Variants in CNOT2 observed in about 807,000 individuals in gnomAD.
CNOT2 encodes the protein CC chemokine receptor 4-negative regulator of transcription 2.
Under a neutral mutation model 72.1 loss-of-function variants are expected in CNOT2, and 7 were observed. That is an observed-to-expected ratio of 0.10 (90% confidence interval 0.06 to 0.18). The LOEUF (loss-of-function observed/expected upper bound fraction) is 0.18, where lower values mean the gene tolerates loss of function less well. Ranked by LOEUF, CNOT2 falls within the 10% of genes least tolerant of loss-of-function variation. The probability of loss-of-function intolerance (pLI) is 1.00; values close to 1 mark genes in which losing one functional copy is unlikely to be tolerated. For synonymous variants in CNOT2, 196 were observed against 225.6 expected (o/e 0.87, Z 1.17); for missense variants, 345 against 660.3 (o/e 0.52, Z 5.23).
chr12:70,334,548 AC>A (rs1880400461), intron 7 of CNOT2: 1 of 152,090 alleles, frequency 6.6e-6, no homozygotes, highest in African/African-American at 2.4e-5. Context: ...AAATGGTAAA[AC>A]AAAAATTAAA....
chr12:70,286,866 AT>A (rs1206527549), intron 2 of CNOT2, among the ~76,000 whole-genome samples: 2 of 151,804 alleles, frequency 1.3e-5, no homozygotes, highest in South Asian at 2.1e-4. Flanking sequence ...AAAGTTTTAT[AT>A]TTTTTTCATA....
intron 2 of CNOT2, chr12:70,307,588 CT>C (rs1330807469): frequency 2.6e-5 from 4 of 152,148 alleles, no homozygotes; most frequent in Admixed American, 2.6e-4. Flanking sequence ...ACCAAATTAA[CT>C]TTTTAACATA....
At chr12:70,257,195 TAGTG>T (rs1293534718) in intron 1 of CNOT2, among the ~76,000 whole-genome samples, 1 of 152,132 alleles carries the variant, frequency 6.6e-6, no homozygotes, top group Non-Finnish European at 1.5e-5. Flanking sequence ...GCTGTGTCCT[TAGTG>T]AGATTACTTT....
chr12:70,266,671 G>T (rs1959060720), intron 1 of CNOT2, among the ~76,000 whole-genome samples: 1 of 152,116 alleles, frequency 6.6e-6, no homozygotes, highest in East Asian at 1.9e-4. Context: ...TGGTAAGTTG[G>T]CCTTTTTATC....
intron 3 of CNOT2, among the ~76,000 whole-genome samples, chr12:70,311,962 A>G (rs2135959490): frequency 6.6e-6 from 1 of 152,076 alleles, no homozygotes; most frequent in Non-Finnish European, 1.5e-5. Context: ...AATTTTGCAA[A>G]TCAGCTTAAC....
chr12:70,349,196 A>ATTCTTTAAATATTCTTTAAATATTC (rs1882570560), intron 15 of CNOT2, among the ~76,000 whole-genome samples: 1 of 152,154 alleles, frequency 6.6e-6, no homozygotes, highest in Non-Finnish European at 1.5e-5. Context: ...TCTTTAAAGG[A>ATTCTTTAAATATTCTTTAAATATTC]TGTGTTCAGT....
intron 9 of CNOT2, chr12:70,337,845 A>G (rs1310374696): frequency 1.3e-5 from 6 of 446,356 alleles, no homozygotes; most frequent in Non-Finnish European, 2.2e-5. Context: ...TGAAGAATTT[A>G]TACACATTTT....
chr12:70,311,104 T>G, intron 3 of CNOT2, 87 bp downstream of exon 3: 1 of 878,684 alleles, frequency 1.1e-6, no homozygotes, highest in East Asian at 2.5e-5. Flanking sequence ...TGCAGAATAC[T>G]GTCTGTGGTT....
intron 1 of CNOT2, among the ~76,000 whole-genome samples, chr12:70,254,602 ATGAT>A (rs1311369637): frequency 6.6e-5 from 10 of 152,256 alleles, no homozygotes; most frequent in Non-Finnish European, 1.3e-4. Context: ...CTTAAGTTGT[ATGAT>A]TGAATGATTC....
intron 13 of CNOT2, chr12:70,343,800 C>A: frequency 5.0e-6 from 1 of 198,530 alleles, no homozygotes; most frequent in Admixed American, 5.8e-5. Context: ...GATCTCTGAG[C>A]ACAATGCTAT....
intron 1 of CNOT2, among the ~76,000 whole-genome samples, chr12:70,249,079 A>G (rs1311642192): frequency 6.6e-6 from 1 of 152,016 alleles, no homozygotes; most frequent in Non-Finnish European, 1.5e-5. Context: ...TTGTATTAGC[A>G]TCTGGACAAA....
intron 15 of CNOT2, among the ~76,000 whole-genome samples, chr12:70,351,747 A>G (rs897400610): frequency 1.3e-5 from 2 of 152,208 alleles, no homozygotes. Context: ...TGCCAATTTT[A>G]ATTTCAGAAG....
At chr12:70,345,940 C>A in intron 14 of CNOT2, 1 of 345,204 alleles carries the variant, frequency 2.9e-6, no homozygotes. Flanking sequence ...TAAAAAGTTT[C>A]TTTAGTTAAA....
chr12:70,344,008 A>T, intron 13 of CNOT2, 120 bp from the exon 14 acceptor site: 1 of 585,030 alleles, frequency 1.7e-6, no homozygotes, highest in African/African-American at 1.9e-5. Context: ...AATAACAGTT[A>T]TCTACTACAA....
At chr12:70,314,728 A>G (rs1877023006) in intron 3 of CNOT2, among the ~76,000 whole-genome samples, 1 of 152,204 alleles carries the variant, frequency 6.6e-6, no homozygotes, top group African/African-American at 2.4e-5. Flanking sequence ...TGAAATACCT[A>G]GTAGATGCAT....
intron 1 of CNOT2, among the ~76,000 whole-genome samples, chr12:70,249,566 TAAATC>T (rs1360119159): frequency 6.6e-6 from 1 of 151,992 alleles, no homozygotes; most frequent in Non-Finnish European, 1.5e-5. Flanking sequence ...CGTGATTTAT[TAAATC>T]AAATAGATGT....
intron 8 of CNOT2, chr12:70,336,667 G>A (rs1880746107): frequency 6.6e-6 from 1 of 151,828 alleles, no homozygotes; most frequent in Non-Finnish European, 1.5e-5. Flanking sequence ...TGCCCTGGAA[G>A]TTGAGTACCT....
rs1235777520 is a variant in CNOT2, at chr12:70,337,264, C to T, written c.776-125C>T. The T allele has an allele frequency of 2.0e-5, 13 of 662,620 alleles. 1 individual carries two copies. Among genetic ancestry groups the T allele is most frequent in the East Asian group, 8.4e-5 (3 of 35,592 alleles). 41.0% of individuals were successfully genotyped at this position (662,620 alleles called of 1,614,324 possible). On this transcript the variant is annotated intron_variant, in intron 8 of 15. Transcript: ENST00000229195. ...CCCTGGATACTAATTTTTTGAAGTA[C>T]GCTTTCATAGCATTAAAAAAAAGAA...
At chr12:70,268,670 G>A (rs1959164729) in intron 1 of CNOT2, among the ~76,000 whole-genome samples, 2 of 151,312 alleles carry the variant, frequency 1.3e-5, no homozygotes, top group Non-Finnish European at 2.9e-5. Context: ...TATGTTGCCT[G>A]GTCTGGCCTC....
Sources: gnomAD v4.1 joint callset for allele counts (sites outside exome capture counted in the v4.1 genomes callset) on GRCh38, gnomAD v4.1.1 for gene constraint, MANE v1.5 for transcripts, NCBI Gene and HGNC (gene_info 2026-07-23, HGNC 2026-07-21) for gene names.